Variants in ARID4B observed in about 807,000 individuals in gnomAD.
The protein encoded by ARID4B is AT-rich interactive domain-containing protein 4B.
Under a neutral mutation model 147.5 loss-of-function variants are expected in ARID4B, and 26 were observed. The ratio of observed to expected loss-of-function variants is 0.18; its 90% CI spans 0.13 to 0.24. The LOEUF (loss-of-function observed/expected upper bound fraction) is 0.24, where lower values mean the gene tolerates loss of function less well. Ranked by LOEUF, ARID4B falls within the 10% of genes least tolerant of loss-of-function variation. The probability of loss-of-function intolerance (pLI) is 1.00; values close to 1 mark genes in which losing one functional copy is unlikely to be tolerated. For missense variants in ARID4B, 1,179 were observed against 1,511.5 expected (o/e 0.78, Z 3.65); for synonymous variants, 512 against 507.9 (o/e 1.01, Z -0.11).
rs143454470 is a variant in ARID4B, at chr1:235,271,233, T to C, written c.7-10481A>G. Among the ~76,000 whole-genome samples the C allele has an allele frequency of 2.7e-3, 404 of 152,086 alleles. 2 individuals are homozygous for C. The highest frequency in any genetic ancestry group is 0.024 in the Middle Eastern group (7 of 294). On this transcript the variant is annotated intron_variant, in intron 2 of 23. Transcript: ENST00000264183. ...AGCCAGAAGAGGTGGTGAACACTTA[T>C]GGTCCCAGCTACTAAGGAGGCTGAG...
At chr1:235,216,334 T>C (rs77610016) in intron 16 of ARID4B, among the ~76,000 whole-genome samples, 6,011 of 140,220 alleles carry the variant, frequency 0.043, 437 homozygotes, top group African/African-American at 0.16. Flanking sequence ...CACACACACA[T>C]ATATACGTGT....
intron 15 of ARID4B, 39 bp downstream of exon 15, chr1:235,220,263 C>T: frequency 1.3e-6 from 2 of 1,542,068 alleles, no homozygotes; most frequent in Non-Finnish European, 1.7e-6. Context: ...GGAAAATATA[C>T]CAAAGAAAGC....
intron 2 of ARID4B, among the ~76,000 whole-genome samples, chr1:235,270,539 A>G (rs1670915090): frequency 1.3e-5 from 2 of 152,248 alleles, no homozygotes; most frequent in African/African-American, 4.8e-5. Context: ...AGTCACAAAT[A>G]TTAACAGAAG....
chr1:235,262,556 C>G (rs1670357647), intron 2 of ARID4B, among the ~76,000 whole-genome samples: 1 of 152,108 alleles, frequency 6.6e-6, no homozygotes, highest in Admixed American at 6.6e-5. Context: ...ACTTTACCTA[C>G]CTGCCTTAGG....
At chr1:235,306,575 T>G (rs1295145705) in intron 2 of ARID4B, among the ~76,000 whole-genome samples, 1 of 152,166 alleles carries the variant, frequency 6.6e-6, no homozygotes, top group Non-Finnish European at 1.5e-5. Context: ...TATTACAGAT[T>G]TATAATATAT....
chr1:235,255,279 C>CTA (rs1323319963), intron 5 of ARID4B, among the ~76,000 whole-genome samples: 2 of 88,496 alleles, frequency 2.3e-5, no homozygotes, highest in African/African-American at 6.1e-5. Flanking sequence ...ATCTCTCTCT[C>CTA]TCTCTCTCTA....
At chr1:235,304,873 T>C (rs1301400230) in intron 2 of ARID4B, among the ~76,000 whole-genome samples, 2 of 152,224 alleles carry the variant, frequency 1.3e-5, no homozygotes, top group Non-Finnish European at 2.9e-5. Flanking sequence ...TGGTAAATAG[T>C]AAATACTAAT....
At chr1:235,303,650 G>A (rs1323221822) in intron 2 of ARID4B, among the ~76,000 whole-genome samples, 1 of 152,182 alleles carries the variant, frequency 6.6e-6, no homozygotes, top group Non-Finnish European at 1.5e-5. Flanking sequence ...GATCACTTGA[G>A]CCCAGGGGTT....
intron 6 of ARID4B, among the ~76,000 whole-genome samples, chr1:235,248,851 T>C (rs1669464567): frequency 6.6e-6 from 1 of 152,178 alleles, no homozygotes; most frequent in South Asian, 2.1e-4. Flanking sequence ...TGTCCCATCT[T>C]AGACCTAAAG....
intron 2 of ARID4B, among the ~76,000 whole-genome samples, chr1:235,275,747 A>G (rs1220211188): frequency 6.6e-6 from 1 of 152,246 alleles, no homozygotes; most frequent in African/African-American, 2.4e-5. Flanking sequence ...TTAATTGAGC[A>G]CCCACAATGC....
At chr1:235,196,826 T>G (rs1256363018) in intron 17 of ARID4B, among the ~76,000 whole-genome samples, 1 of 123,582 alleles carries the variant, frequency 8.1e-6, no homozygotes, top group Admixed American at 1.1e-4. Context: ...CACTCCAGCC[T>G]GGGCGACAGA....
chr1:235,262,601 T>C (rs1420792395), intron 2 of ARID4B, among the ~76,000 whole-genome samples: 7 of 152,188 alleles, frequency 4.6e-5, no homozygotes, highest in Non-Finnish European at 2.9e-5. Flanking sequence ...GCCAAAATTA[T>C]GGTTACATTC....
chr1:235,209,207 G>T (rs1356255471), intron 17 of ARID4B, among the ~76,000 whole-genome samples: 1 of 152,198 alleles, frequency 6.6e-6, no homozygotes, highest in African/African-American at 2.4e-5. Context: ...GGGCGCAGTG[G>T]CTCACGCCTA....
intron 2 of ARID4B, among the ~76,000 whole-genome samples, chr1:235,322,290 G>A (rs777467513): frequency 1.3e-5 from 2 of 152,236 alleles, no homozygotes; most frequent in East Asian, 3.9e-4. Context: ...AAAGTGCTGG[G>A]ATTACAGGTG....
At chr1:235,290,050 A>G (rs1165098057) in intron 2 of ARID4B, among the ~76,000 whole-genome samples, 1 of 151,448 alleles carries the variant, frequency 6.6e-6, no homozygotes, top group Non-Finnish European at 1.5e-5. Flanking sequence ...AAAAAAACCC[A>G]CACCATTTTT....
chr1:235,230,607 AAAAAAAAAAC>A (rs1157490627), intron 10 of ARID4B, among the ~76,000 whole-genome samples: 2 of 131,526 alleles, frequency 1.5e-5, no homozygotes, highest in African/African-American at 5.8e-5. Flanking sequence ...AAAAAAAAAA[AAAAAAAAAAC>A]CAGAAAAAAA....
At chr1:235,297,147 C>T (rs1672799919) in intron 2 of ARID4B, among the ~76,000 whole-genome samples, 1 of 151,950 alleles carries the variant, frequency 6.6e-6, no homozygotes, top group Non-Finnish European at 1.5e-5. Context: ...TATTGAAAAC[C>T]GATGGGACAA....
chr1:235,318,438 C>G (rs1044416684), intron 2 of ARID4B, among the ~76,000 whole-genome samples: 1 of 152,038 alleles, frequency 6.6e-6, no homozygotes, highest in African/African-American at 2.4e-5. Flanking sequence ...TCCCAAAGTG[C>G]TGGGATTACA....
intron 7 of ARID4B, among the ~76,000 whole-genome samples, chr1:235,245,911 G>C (rs1353875737): frequency 6.6e-6 from 1 of 152,156 alleles, no homozygotes; most frequent in Non-Finnish European, 1.5e-5. Flanking sequence ...GCAGAGCCAG[G>C]ATTCAAACCC....
Sources: gnomAD v4.1 joint callset for allele counts (sites outside exome capture counted in the v4.1 genomes callset) on GRCh38, gnomAD v4.1.1 for gene constraint, MANE v1.5 for transcripts, NCBI Gene and HGNC (gene_info 2026-07-23, HGNC 2026-07-21) for gene names.